The following SLC43A1 variants were observed in gnomAD, a reference collection of about 807,000 sequenced individuals.
SLC43A1 encodes large neutral amino acids transporter small subunit 3.
A neutral mutation model predicts 59.5 loss-of-function variants in SLC43A1; 31 were observed. The ratio of observed to expected loss-of-function variants is 0.52; its 90% CI spans 0.39 to 0.70. The LOEUF (loss-of-function observed/expected upper bound fraction) is 0.70, where lower values mean the gene tolerates loss of function less well. Ranked by LOEUF, SLC43A1 falls within the 30% of genes least tolerant of loss-of-function variation. SLC43A1 has a pLI of 0.00. For missense variants in SLC43A1, 598 were observed against 717.8 expected (o/e 0.83, Z 1.91); for synonymous variants, 259 against 290.9 (o/e 0.89, Z 1.12).
At chr11:57,493,633 G>A (rs990074173) in intron 8 of SLC43A1, among the ~76,000 whole-genome samples, 2 of 152,188 alleles carry the variant, frequency 1.3e-5, no homozygotes, top group Non-Finnish European at 2.9e-5. Context: ...ACAGCCAGGT[G>A]TGGAGGACCC....
chr11:57,501,716 A>G (rs1944271498), intron 2 of SLC43A1, among the ~76,000 whole-genome samples: 1 of 152,250 alleles, frequency 6.6e-6, no homozygotes, highest in Non-Finnish European at 1.5e-5. Context: ...ATTCATTAAA[A>G]TGGCCCGGCG....
chr11:57,489,835 G>A (rs1287070819), intron 11 of SLC43A1, among the ~76,000 whole-genome samples: 1 of 152,196 alleles, frequency 6.6e-6, no homozygotes, highest in Non-Finnish European at 1.5e-5. Context: ...GACATAAGCA[G>A]ATGCCCTCCT....
intron 2 of SLC43A1, among the ~76,000 whole-genome samples, chr11:57,506,603 G>A (rs1443576051): frequency 6.6e-6 from 1 of 152,154 alleles, no homozygotes; most frequent in African/African-American, 2.4e-5. Flanking sequence ...GATTCCCCCA[G>A]GAGAGCCCTG....
intron 9 of SLC43A1, 25 bp from the exon 10 acceptor site, chr11:57,491,651 AG>A: frequency 6.2e-7 from 1 of 1,614,084 alleles, no homozygotes; most frequent in Non-Finnish European, 8.5e-7. Flanking sequence ...ACGTATGGTG[AG>A]GGGAGCTCAG....
intron 4 of SLC43A1, 58 bp downstream of exon 4, chr11:57,500,930 T>G (rs1185749179): frequency 2.5e-6 from 4 of 1,597,410 alleles, no homozygotes; most frequent in Non-Finnish European, 3.4e-6. Context: ...GGGGTAAACA[T>G]CCGCCTTCAT....
intron 14 of SLC43A1, among the ~76,000 whole-genome samples, chr11:57,486,659 A>C (rs1446793716): frequency 2.7e-5 from 4 of 149,086 alleles, no homozygotes; most frequent in Non-Finnish European, 4.5e-5. Flanking sequence ...AAAAAAAAAA[A>C]TTAGCTGGGC....
At chr11:57,501,467 C>T in intron 2 of SLC43A1, 138 bp from the exon 3 acceptor site, 1 of 770,442 alleles carries the variant, frequency 1.3e-6, no homozygotes, top group Non-Finnish European at 2.1e-6. Flanking sequence ...CACATCTCCT[C>T]TGATGGGGCT....
At chr11:57,498,902 C>T (rs944251511) in intron 5 of SLC43A1, among the ~76,000 whole-genome samples, 1 of 152,174 alleles carries the variant, frequency 6.6e-6, no homozygotes, top group African/African-American at 2.4e-5. Context: ...CTCCTCTGGC[C>T]CCACCATCCT....
Position 57,489,269 on chromosome 11 carries a change from G to A in SLC43A1, c.1317C>T (p.Ile439=), listed in dbSNP as rs765790976. Residue 439 remains isoleucine, a synonymous_variant, in exon 12 of 15, where the codon ATC becomes ATT. Transcript: ENST00000278426. Reference sequence around the variant, plus strand: ...TGGGTACCTGGAGGTGTAAGTTGTTGATGAGACAGGTGATGCCAAAACCCA... The same window carrying A: ...TGGGTACCTGGAGGTGTAAGTTGTTAATGAGACAGGTGATGCCAAAACCCA... ...LLVGFGITCL[I]NNLHLQFVTF... 3 of 1,614,194 alleles carry A rather than the reference G, an allele frequency of 1.9e-6. No individual in the cohort carries two copies. The highest frequency in any genetic ancestry group is 2.5e-6 in the Non-Finnish European group (3 of 1,180,034).
rs182370510 is a variant in SLC43A1, at chr11:57,502,386, G to A, written c.155-1057C>T. ...TGCCTAACCCACGACCTCCTTAGGAGGATTAAATTGGAGACAGTAAACAAA... is the reference window on the plus strand; with the variant it reads ...TGCCTAACCCACGACCTCCTTAGGAAGATTAAATTGGAGACAGTAAACAAA... On this transcript the variant is annotated intron_variant, in intron 2 of 14. Transcript: ENST00000278426. Among the ~76,000 whole-genome samples, 4 of 152,346 alleles carry A rather than the reference G, an allele frequency of 2.6e-5. No homozygotes were observed. The East Asian group carries it at 5.8e-4, about 22-fold the overall frequency.
Position 57,515,194 on chromosome 11 carries a change from G to T in SLC43A1, c.-14+250C>A. On this transcript the variant is annotated intron_variant, in intron 1 of 14. Transcript: ENST00000278426. The surrounding 1 kb of genome is among the most constrained non-coding windows in gnomAD (Gnocchi z 5.3). The stretch of plus-strand genomic sequence containing the variant: ...GAGGTCCGCTGGAACTCTGGCAAAC[G>T]CGCAGCTCTAAGCAGAGGAAGTGCA... 2.8e-6 allele frequency: 1 copy of T among 356,510 alleles called. No individual in the cohort carries two copies. The highest frequency in any genetic ancestry group is 1.1e-4 in the South Asian group (1 of 8,798). The allele number at this position is 356,510 out of a possible 1,614,324, so 22.1% of individuals were successfully genotyped here. A position where few individuals can be genotyped will look rare whatever the true frequency, so the allele number is the denominator to read the frequency against.
intron 14 of SLC43A1, 68 bp from the exon 15 acceptor site, chr11:57,485,310 G>A: frequency 1.3e-6 from 2 of 1,483,890 alleles, no homozygotes; most frequent in Non-Finnish European, 1.8e-6. Context: ...CCACAGGGAG[G>A]AGAAGGCGGC....
chr11:57,486,507 A>C (rs1475409984), intron 14 of SLC43A1, among the ~76,000 whole-genome samples: 1 of 151,530 alleles, frequency 6.6e-6, no homozygotes, highest in Non-Finnish European at 1.5e-5. Context: ...ACAAAAAAAA[A>C]AAAACAATAG....
At chr11:57,509,945 TAGG>T (rs765474720) in intron 2 of SLC43A1, among the ~76,000 whole-genome samples, 10 of 152,114 alleles carry the variant, frequency 6.6e-5, no homozygotes, top group Non-Finnish European at 1.0e-4. Context: ...AAATCATATG[TAGG>T]AGACTTATAT....
chr11:57,491,719 G>A lies in SLC43A1; in HGVS notation c.1015C>T (p.His339Tyr). 1 of 1,614,244 alleles carries A rather than the reference G, an allele frequency of 6.2e-7. No individual in the cohort carries two copies. Among genetic ancestry groups the A allele is most frequent in the Non-Finnish European group, 8.5e-7 (1 of 1,180,048 alleles). Residue 339 changes from histidine to tyrosine, a missense_variant, in exon 9 of 15, where the codon CAT becomes TAT. Physicochemically the swap from His to Tyr is moderately conservative, Grantham distance 83. Coordinates refer to ENST00000278426, the MANE Select transcript of SLC43A1 (RefSeq NM_003627.6). ...AGGGGCCTCAGCGGTGCCTCACCATGCTCCTGGCCACCAGTCACAAGGTAC... is the reference window on the plus strand; with the variant it reads ...AGGGGCCTCAGCGGTGCCTCACCATACTCCTGGCCACCAGTCACAAGGTAC... ...LEYLVTGGQE[H>Y]ETNEQQQKVA...
rs1213951299 is a variant in SLC43A1, at chr11:57,485,142, C to A, written c.1634G>T (p.Gly545Val). ...ARLQQEYAAN[G>V]MGPLKVLSGS... ...GCTAAGCACCTTCAGTGGGCCCATC[C>A]CATTGGCGGCGTACTCCTGCTGGAG... Residue 545 changes from glycine to valine, a missense_variant, in exon 15 of 15, where the codon GGG becomes GTG. Gly to Val is a moderately radical substitution (Grantham distance 109, BLOSUM62 -3). Transcript: ENST00000278426. 8 of 1,613,954 alleles carry A rather than the reference C, an allele frequency of 5.0e-6. No homozygotes were observed. The East Asian group carries it at 1.8e-4, about 36-fold the overall frequency.
chr11:57,491,402 A>C (rs1477118134), intron 10 of SLC43A1, 40 bp from the exon 11 acceptor site: 40 of 1,566,186 alleles, frequency 2.6e-5, no homozygotes, highest in Non-Finnish European at 3.3e-5. Context: ...AGGAACTGGC[A>C]CTCAGTGGAC....
At chr11:57,505,527 AAC>A (rs1312745126) in intron 2 of SLC43A1, among the ~76,000 whole-genome samples, 5 of 123,700 alleles carry the variant, frequency 4.0e-5, no homozygotes, top group African/African-American at 1.7e-4. Flanking sequence ...AACTAACAAC[AAC>A]AAAAAAAATA....
intron 14 of SLC43A1, 29 bp from the exon 15 acceptor site, chr11:57,485,271 C>A: frequency 1.3e-6 from 2 of 1,596,086 alleles, no homozygotes; most frequent in Non-Finnish European, 8.5e-7. Context: ...GAAACAGAGT[C>A]AAGTAGGTAG....
Sources: gnomAD v4.1 joint callset for allele counts (sites outside exome capture counted in the v4.1 genomes callset) on GRCh38, gnomAD v4.1.1 for gene constraint, Gnocchi (gnomAD v3.1) non-coding constraint, MANE v1.5 for transcripts, NCBI Gene and HGNC (gene_info 2026-07-23, HGNC 2026-07-21) for gene names.